SLC14A2: variants seen among roughly 807,000 people sequenced by gnomAD.
SLC14A2 encodes the protein urea transporter 2.
Under a neutral mutation model 104.6 loss-of-function variants are expected in SLC14A2, and 91 were observed. That is an observed-to-expected ratio of 0.87 (90% CI 0.73 to 1.04). The LOEUF (loss-of-function observed/expected upper bound fraction) is 1.04. Among genes scored for constraint, SLC14A2 ranks in the 50% least tolerant of loss-of-function variants. The probability of loss-of-function intolerance (pLI) is 0.00; values close to 1 mark genes in which losing one functional copy is unlikely to be tolerated. For synonymous variants in SLC14A2, 476 were observed against 466.4 expected (o/e 1.02, Z -0.27); for missense variants, 1,189 against 1,156.0 (o/e 1.03, Z -0.41).
At chr18:45,298,475 C>G (rs981495074) in intron 1 of SLC14A2, among the ~76,000 whole-genome samples, 24 of 152,200 alleles carry the variant, frequency 1.6e-4, no homozygotes, top group African/African-American at 5.5e-4. Context: ...TTACTCTCTT[C>G]TGATCAGATC....
intron 1 of SLC14A2, among the ~76,000 whole-genome samples, chr18:45,284,623 C>T (rs1160806433): frequency 1.3e-5 from 2 of 152,190 alleles, no homozygotes; most frequent in Non-Finnish European, 2.9e-5. Flanking sequence ...CTCATCTCCC[C>T]ATTTCACTTT....
At chr18:45,535,703 G>A (rs2043769488) in intron 2 of SLC14A2, among the ~76,000 whole-genome samples, 1 of 152,122 alleles carries the variant, frequency 6.6e-6, no homozygotes, top group African/African-American at 2.4e-5. Context: ...GACACAAAAT[G>A]AAAAAGCTTC....
chr18:45,458,544 C>CAGAGAG (rs1219656647), intron 1 of SLC14A2, among the ~76,000 whole-genome samples: 3 of 152,194 alleles, frequency 2.0e-5, no homozygotes, highest in African/African-American at 7.2e-5. Context: ...TCTGTGACAT[C>CAGAGAG]ATGCTTGAAA....
At chr18:45,679,430 G>A (rs1272361098) in intron 19 of SLC14A2, among the ~76,000 whole-genome samples, 2 of 152,204 alleles carry the variant, frequency 1.3e-5, no homozygotes, top group Non-Finnish European at 2.9e-5. Flanking sequence ...AGAATAAGGG[G>A]AGTCAAACCC....
At chr18:45,204,411 G>C in the SLC14A2 span, among the ~76,000 whole-genome samples, 6 of 152,304 alleles carry the variant, frequency 3.9e-5, no homozygotes, top group Middle Eastern at 3.4e-3. Context: ...TGGCTTGTGC[G>C]ATCCCTGTGG....
chr18:45,587,394 C>A (rs992110159), intron 2 of SLC14A2, among the ~76,000 whole-genome samples: 2 of 152,172 alleles, frequency 1.3e-5, no homozygotes, highest in Admixed American at 1.3e-4. Context: ...GGGTTGAGAA[C>A]CCCGTTCCAG....
intron 18 of SLC14A2, among the ~76,000 whole-genome samples, chr18:45,677,614 G>T (rs1014365688): frequency 6.6e-6 from 1 of 152,196 alleles, no homozygotes; most frequent in East Asian, 1.9e-4. Flanking sequence ...GACACATAGG[G>T]AATGTCCAGT....
At chr18:45,435,838 C>A (rs1428998255) in intron 1 of SLC14A2, among the ~76,000 whole-genome samples, 1 of 152,154 alleles carries the variant, frequency 6.6e-6, no homozygotes, top group Non-Finnish European at 1.5e-5. Flanking sequence ...AGGTATGTTG[C>A]AATCCAAACT....
At chr18:45,635,470 T>A (rs1382657230) in intron 5 of SLC14A2, among the ~76,000 whole-genome samples, 1 of 152,156 alleles carries the variant, frequency 6.6e-6, no homozygotes, top group Non-Finnish European at 1.5e-5. Context: ...GACAAAGTAT[T>A]TCAAGATGGT....
At chr18:45,642,750 A>G (rs941811524) in intron 8 of SLC14A2, among the ~76,000 whole-genome samples, 1 of 151,954 alleles carries the variant, frequency 6.6e-6, no homozygotes, top group Non-Finnish European at 1.5e-5. Flanking sequence ...AGGAGCTCGT[A>G]TAGTCTGACC....
chr18:45,255,647 A>G (rs1359987645), intron 1 of SLC14A2, among the ~76,000 whole-genome samples: 1 of 152,168 alleles, frequency 6.6e-6, no homozygotes, highest in African/African-American at 2.4e-5. Flanking sequence ...TTTATTTTCC[A>G]CAGTGGCATG....
chr18:45,170,142 C>T, the SLC14A2 span, among the ~76,000 whole-genome samples: 1 of 152,086 alleles, frequency 6.6e-6, no homozygotes, highest in Non-Finnish European at 1.5e-5. Flanking sequence ...AGTCGTGGCT[C>T]GGTCACTCTG....
chr18:45,347,234 T>C (rs1598705036), intron 1 of SLC14A2, among the ~76,000 whole-genome samples: 1 of 152,144 alleles, frequency 6.6e-6, no homozygotes, highest in Admixed American at 6.5e-5. Context: ...CATGCACCTA[T>C]AGTCCCAGCT....
In SLC14A2 at chr18:45,374,201, G is replaced by A. The variant is rs1841691; in HGVS notation, c.-124-109032G>A. On this transcript the variant is annotated intron_variant, in intron 1 of 20. Coordinates refer to the SLC14A2 transcript ENST00000586448. ...AGAGAGGCCCACAAAAAGATATGCT[G>A]AGTGACAGCCTTGTCTCCATGCTGT... is the stretch of plus-strand genomic sequence containing the variant. Among the ~76,000 whole-genome samples, 436 of 152,302 alleles carry A rather than the reference G, an allele frequency of 2.9e-3. 5 individuals carry two copies. Among genetic ancestry groups the A allele is most frequent in the African/African-American group, 0.01 (418 of 41,568 alleles).
At chr18:45,634,985 A>T (rs1363954373) in intron 5 of SLC14A2, 1 of 387,176 alleles carries the variant, frequency 2.6e-6, no homozygotes, top group African/African-American at 2.1e-5. Context: ...TATTTTAAAG[A>T]AGATAGAGGC....
At chr18:45,384,131 G>A (rs1407587187) in intron 1 of SLC14A2, among the ~76,000 whole-genome samples, 8 of 152,170 alleles carry the variant, frequency 5.3e-5, no homozygotes, top group Non-Finnish European at 1.2e-4. Flanking sequence ...AATGGCATAT[G>A]TGTGAAAATG....
intron 1 of SLC14A2, among the ~76,000 whole-genome samples, chr18:45,306,355 T>C (rs2085021073): frequency 6.6e-6 from 1 of 152,218 alleles, no homozygotes; most frequent in Admixed American, 6.5e-5. Context: ...TAAAATGCTT[T>C]AGTGCAAATA....
At chr18:45,675,337 T>A (rs1484643046) in intron 18 of SLC14A2, among the ~76,000 whole-genome samples, 4 of 152,194 alleles carry the variant, frequency 2.6e-5, no homozygotes, top group African/African-American at 9.7e-5. Context: ...AGCTTTATTT[T>A]GTAGCCGTGG....
the SLC14A2 span, among the ~76,000 whole-genome samples, chr18:45,197,194 A>G: frequency 2.6e-5 from 4 of 152,248 alleles, no homozygotes; most frequent in Non-Finnish European, 5.9e-5. Context: ...GTCTAGGACC[A>G]TGAAGAGAGA....
Sources: allele counts gnomAD v4.1 joint callset (sites outside exome capture counted in the v4.1 genomes callset), GRCh38; gene constraint gnomAD v4.1.1; transcripts MANE v1.5; gene names NCBI Gene and HGNC (gene_info 2026-07-23, HGNC 2026-07-21).